Variants in ADAMTS7 observed in about 807,000 individuals in gnomAD.
ADAMTS7 encodes ADAM metallopeptidase with thrombospondin type 1 motif 7.
Under a neutral mutation model 172.6 loss-of-function variants are expected in ADAMTS7, and 89 were observed. That is an observed-to-expected ratio of 0.52 (90% CI 0.43 to 0.61). The LOEUF is 0.61. Ranked by LOEUF, ADAMTS7 falls within the 20% of genes least tolerant of loss-of-function variation. The probability of loss-of-function intolerance (pLI) is 0.00; values close to 1 mark genes in which losing one functional copy is unlikely to be tolerated. For synonymous variants in ADAMTS7, 885 were observed against 978.4 expected (o/e 0.90, Z 1.78); for missense variants, 1,973 against 2,355.6 (o/e 0.84, Z 3.36).
At chr15:78,774,356 C>T in intron 12 of ADAMTS7, 56 bp from the exon 13 acceptor site, 1 of 1,497,936 alleles carries the variant, frequency 6.7e-7, no homozygotes, top group Non-Finnish European at 8.9e-7. Flanking sequence ...GTATGGAGGC[C>T]ACCAGGAAGA....
intron 1 of ADAMTS7, among the ~76,000 whole-genome samples, chr15:78,806,501 A>G (rs957179937): frequency 2.0e-5 from 3 of 152,222 alleles, no homozygotes; most frequent in Non-Finnish European, 4.4e-5. Flanking sequence ...CTTTGAAAGT[A>G]ACAAGACCCA....
Position 78,774,621 on chromosome 15 carries a change from C to T in ADAMTS7, c.1876+3G>A. 1 of 1,611,768 alleles carries T rather than the reference C, an allele frequency of 6.2e-7. No individual in the cohort carries two copies. Among genetic ancestry groups the T allele is most frequent in the Admixed American group, 1.7e-5 (1 of 60,016 alleles). On this transcript the variant is annotated splice_donor_region_variant and intron_variant, in intron 12 of 23. Transcript: ENST00000388820. Reference sequence around the variant, plus strand: ...CAATGTCTCCATGGGGGGCAGCACTCACCGTCATTGACCACGGGCACCCAT... The same window carrying T: ...CAATGTCTCCATGGGGGGCAGCACTTACCGTCATTGACCACGGGCACCCAT...
chr15:78,775,593 A>G (rs2055330598), intron 11 of ADAMTS7, among the ~76,000 whole-genome samples: 1 of 150,742 alleles, frequency 6.6e-6, no homozygotes, highest in African/African-American at 2.4e-5. Context: ...AGGCCCAGAG[A>G]GGTGAAGTCG....
chr15:78,765,043 G>C, intron 19 of ADAMTS7: 1 of 275,586 alleles, frequency 3.6e-6, no homozygotes, highest in Non-Finnish European at 6.8e-6. Flanking sequence ...AGGCACCAGG[G>C]AAGGAAGGCT....
At chr15:78,806,168 TGCAGTAGACCCAA>T (rs2055795295) in intron 1 of ADAMTS7, among the ~76,000 whole-genome samples, 1 of 107,246 alleles carries the variant, frequency 9.3e-6, no homozygotes, top group African/African-American at 3.8e-5. Flanking sequence ...GAAAAATGGG[TGCAGTAGACCCAA>T]GACCCCCACT....
At chr15:78,805,661 T>G (rs892719732) in intron 1 of ADAMTS7, among the ~76,000 whole-genome samples, 1 of 152,186 alleles carries the variant, frequency 6.6e-6, no homozygotes, top group African/African-American at 2.4e-5. Context: ...CTACCCACCT[T>G]GTTTGCTCAT....
chr15:78,798,157 A>G, intron 2 of ADAMTS7, 44 bp from the exon 3 acceptor site: 1 of 1,503,102 alleles, frequency 6.7e-7, no homozygotes, highest in Non-Finnish European at 8.8e-7. Context: ...GCTGGCCCTC[A>G]GCTGCTCTTC....
Position 78,766,231 on chromosome 15 carries a change from C to T in ADAMTS7, c.3680G>A (p.Arg1227Gln), listed in dbSNP as rs564165741. ...VFKDDEEPKG[R>Q]GAPHLPPRPS... ...TCTCGGGGGCAGGTGGGGTGCTCCT[C>T]GGCCCTTGGGTTCCTCATCATCCTT... The change falls in exon 19 of 24, where the codon CGA becomes CAA. Residue 1227 changes from arginine to glutamine, a missense_variant. By Grantham distance (43) the Arg-to-Gln change is conservative. Around this residue, in one of 8 missense-constraint regions of ADAMTS7, gnomAD observed 771 missense variants for 952.6 expected, o/e 0.81. Coordinates refer to ENST00000388820, the MANE Select transcript of ADAMTS7 (RefSeq NM_014272.5). The T allele has an allele frequency of 1.8e-5, 29 of 1,611,686 alleles. No individual in the cohort carries two copies. Among genetic ancestry groups the T allele is most frequent in the African/African-American group, 1.1e-4 (8 of 74,966 alleles).
chr15:78,783,508 C>T (rs2055461111), intron 8 of ADAMTS7, among the ~76,000 whole-genome samples: 1 of 152,000 alleles, frequency 6.6e-6, no homozygotes, highest in Non-Finnish European at 1.5e-5. Flanking sequence ...AAACTCCTGA[C>T]CTCAAGAGAT....
chr15:78,796,569 T>A, intron 4 of ADAMTS7, 21 bp downstream of exon 4: 1 of 1,549,404 alleles, frequency 6.5e-7, no homozygotes, highest in Non-Finnish European at 8.8e-7. Flanking sequence ...CGCCACCCGC[T>A]CCTGGCCCAC....
Position 78,805,679 on chromosome 15 carries a change from A to G in ADAMTS7, c.101-5132T>C, listed in dbSNP as rs536967303. On this transcript the variant is annotated intron_variant, in intron 1 of 23. Transcript: ENST00000388820. ...CCCACCTTGTTTGCTCATTTACGTT[A>G]CCTGCCTAGTCCACGGCATTTGGTA... Among the ~76,000 whole-genome samples, 469 of 152,258 alleles carry G rather than the reference A, an allele frequency of 3.1e-3. 1 individual carries two copies. The highest frequency in any genetic ancestry group is 5.0e-3 in the Non-Finnish European group (342 of 68,020).
At position 78,767,407 on chromosome 15, in the gene ADAMTS7, G is replaced by T; in HGVS notation, c.2831C>A (p.Ala944Asp). The T allele has an allele frequency of 6.2e-7, 1 of 1,611,872 alleles. No individual in the cohort carries two copies. Among genetic ancestry groups the T allele is most frequent in the Non-Finnish European group, 8.5e-7 (1 of 1,179,826 alleles). ...TPCNRHVPCPATWAVGNWSQC... is the reference protein window; with the variant it reads ...TPCNRHVPCPDTWAVGNWSQC... Reference sequence around the variant, plus strand: ...AGACCAGTTCCCCACAGCCCAGGTGGCCGGACAGGGTACATGGCGGTTGCA... The same window carrying T: ...AGACCAGTTCCCCACAGCCCAGGTGTCCGGACAGGGTACATGGCGGTTGCA... The change falls in exon 18 of 24, where the codon GCC becomes GAC. Residue 944 changes from alanine to aspartate, a missense_variant. Around this residue, in one of 8 missense-constraint regions of ADAMTS7, gnomAD observed 771 missense variants for 952.6 expected, o/e 0.81. Transcript: ENST00000388820.
At position 78,765,783 on chromosome 15, in the gene ADAMTS7, T is replaced by C. The variant is rs2055132241; in HGVS notation, c.4128A>G (p.Thr1376=). 1 of 1,608,072 alleles carries C rather than the reference T, an allele frequency of 6.2e-7. No homozygotes were observed. ...TGTTGGCGGGGCTGTCCCAAGCTGG[T>C]GTGGACAGCAGCCTAGAGCTCAGGG... The part of the protein sequence containing the change: ...EVPLSSRLLS[T]PAWDSPANSH... Residue 1376 remains threonine, a synonymous_variant, in exon 19 of 24, where the codon ACA becomes ACG. Transcript: ENST00000388820.
intron 8 of ADAMTS7, among the ~76,000 whole-genome samples, chr15:78,787,675 AAAC>A (rs2055522591): frequency 6.6e-6 from 1 of 152,116 alleles, no homozygotes; most frequent in South Asian, 2.1e-4. Flanking sequence ...AAAAACAAAC[AAAC>A]AACAACAACA....
At chr15:78,787,308 T>G (rs2055514935) in intron 8 of ADAMTS7, among the ~76,000 whole-genome samples, 1 of 134,868 alleles carries the variant, frequency 7.4e-6, no homozygotes, top group Admixed American at 8.2e-5. Context: ...AATTTAAATT[T>G]AAAACTTTTT....
intron 8 of ADAMTS7, among the ~76,000 whole-genome samples, chr15:78,786,731 T>C (rs1353409970): frequency 6.6e-6 from 1 of 152,248 alleles, no homozygotes; most frequent in Non-Finnish European, 1.5e-5. Context: ...AATTTTATTC[T>C]GTTTCATCCT....
At position 78,766,186 on chromosome 15, in the gene ADAMTS7, G is replaced by A. The variant is rs75280199; in HGVS notation, c.3725C>T (p.Pro1242Leu). 9.4e-4 allele frequency: 1,522 copies of A among 1,611,912 alleles called. 11 individuals are homozygous for A. The African/African-American group carries it at 0.014, about 15-fold the overall frequency. Reference protein sequence around the residue: ...LPPRPSSTLPPLSPVGSTHSS... With the variant: ...LPPRPSSTLPLLSPVGSTHSS... ...GTGGGTGCTGCCAACAGGGGACAAA[G>A]GGGGCAGCGTGGAGCTGGGTCTCGG... Residue 1242 changes from proline to leucine, a missense_variant, in exon 19 of 24, where the codon CCT (proline) becomes CTT (leucine). Coordinates refer to ENST00000388820, the MANE Select transcript of ADAMTS7 (RefSeq NM_014272.5).
chr15:78,798,221 C>T, intron 2 of ADAMTS7, 108 bp from the exon 3 acceptor site: 2 of 1,067,066 alleles, frequency 1.9e-6, no homozygotes, highest in South Asian at 1.8e-5. Flanking sequence ...GCCCACACCA[C>T]CTGTGACTGC....
chr15:78,811,464 G>A lies in ADAMTS7; in HGVS notation c.-244C>T, dbSNP rs1480036921. On this transcript the variant is annotated 5_prime_UTR_variant, in exon 1 of 24. Coordinates refer to ENST00000388820, the MANE Select transcript of ADAMTS7 (RefSeq NM_014272.5). Reference sequence around the variant, plus strand: ...AGCTAGAAGGAGAGAAAGAAAGAAAGAAAGAAAGGGAGGGAGAGTGAGGGA... The same window carrying A: ...AGCTAGAAGGAGAGAAAGAAAGAAAAAAAGAAAGGGAGGGAGAGTGAGGGA... 1 of 295,040 alleles carries A rather than the reference G, an allele frequency of 3.4e-6. No individual in the cohort carries two copies. Among genetic ancestry groups the A allele is most frequent in the African/African-American group, 2.2e-5 (1 of 45,322 alleles). The allele number at this position is 295,040 out of a possible 1,614,324, so 18.3% of individuals were successfully genotyped here. A position where few individuals can be genotyped will look rare whatever the true frequency, so the allele number is the denominator to read the frequency against.
Sources: allele counts gnomAD v4.1 joint callset (sites outside exome capture counted in the v4.1 genomes callset), GRCh38; gene constraint gnomAD v4.1.1; regional missense constraint gnomAD v4.1.1; transcripts MANE v1.5; gene names NCBI Gene and HGNC (gene_info 2026-07-23, HGNC 2026-07-21).